Variants in LRP1B observed in about 807,000 individuals in gnomAD.
The protein encoded by LRP1B is LDL receptor related protein 1B, also known as low-density lipoprotein receptor-related protein 1B.
Under a neutral mutation model 556.6 loss-of-function variants are expected in LRP1B, and 217 were observed. The ratio of observed to expected loss-of-function variants is 0.39; its 90% confidence interval spans 0.35 to 0.44. LRP1B has a LOEUF of 0.44. Among genes scored for constraint, LRP1B ranks in the 20% least tolerant of loss-of-function variants. The probability of loss-of-function intolerance (pLI) is 1.00; values close to 1 mark genes in which losing one functional copy is unlikely to be tolerated. For missense variants in LRP1B, 5,053 were observed against 5,620.8 expected, an observed-to-expected ratio of 0.90 and a Z score of 3.23; for synonymous variants, 2,047 against 1,865.8, an observed-to-expected ratio of 1.10 and a Z score of -2.50.
chr2:140,252,066 A>AAAAAAAAAAAAAAAAAAAAAAAC (rs1681449748), intron 86 of LRP1B, among the ~76,000 whole-genome samples: 2 of 114,068 alleles, frequency 1.8e-5, no homozygotes. Context: ...AAGATGCAAA[A>AAAAAAAAAAAAAAAAAAAAAAAC]AAAAAAAAAA....
chr2:140,917,685 G>C lies in LRP1B; in HGVS notation c.3319+5280C>G, dbSNP rs144009251. ...AGATCAGTAGCTTCCAGGAGCTAAG[G>C]GGGAGGGAAGAATAAACAGGCAGGG... On this transcript the variant is annotated intron_variant, in intron 21 of 90. Coordinates refer to ENST00000389484, the MANE Select transcript of LRP1B (RefSeq NM_018557.3). Among the ~76,000 whole-genome samples, 728 of 152,214 alleles carry C rather than the reference G, an allele frequency of 4.8e-3. 2 individuals are homozygous for C. The highest frequency in any genetic ancestry group is 8.1e-3 in the Admixed American group (124 of 15,272).
chr2:142,079,239 C>T (rs896550851), intron 1 of LRP1B, among the ~76,000 whole-genome samples: 1 of 152,158 alleles, frequency 6.6e-6, no homozygotes, highest in African/African-American at 2.4e-5. Flanking sequence ...AATTTTTTCA[C>T]AGATATAAGC....
At chr2:140,287,298 G>A (rs962552563) in intron 84 of LRP1B, among the ~76,000 whole-genome samples, 2 of 151,788 alleles carry the variant, frequency 1.3e-5, no homozygotes, top group African/African-American at 4.8e-5. Context: ...AATGTAAGGA[G>A]CAATGAAATC....
chr2:141,827,183 T>C (rs1696961372), intron 1 of LRP1B, among the ~76,000 whole-genome samples: 1 of 152,258 alleles, frequency 6.6e-6, no homozygotes, highest in African/African-American at 2.4e-5. Context: ...AGAGCTGCCC[T>C]GAGGCAGCTA....
In LRP1B at chr2:142,048,146, G is replaced by A. The variant is rs140304957; in HGVS notation, c.82+82502C>T. Among the ~76,000 whole-genome samples, 379 of 152,044 alleles carry A rather than the reference G, an allele frequency of 2.5e-3. 2 individuals carry two copies. Among genetic ancestry groups the A allele is most frequent in the Non-Finnish European group, 4.1e-3 (277 of 67,964 alleles). On this transcript the variant is annotated intron_variant, in intron 1 of 90. Transcript: ENST00000389484. The stretch of plus-strand genomic sequence containing the variant: ...GATTTGCTGAAGCACCTCTGCATTC[G>A]TCTTACAAAAGTAGGCAGCATCTGC...
chr2:140,679,560 T>C (rs1310225324), intron 41 of LRP1B, among the ~76,000 whole-genome samples: 2 of 152,234 alleles, frequency 1.3e-5, no homozygotes, highest in African/African-American at 4.8e-5. Context: ...TGAGTACATT[T>C]AGTGTTTTGG....
intron 1 of LRP1B, among the ~76,000 whole-genome samples, chr2:142,042,303 T>C (rs1315883911): frequency 6.6e-6 from 1 of 151,452 alleles, no homozygotes; most frequent in Non-Finnish European, 1.5e-5. Context: ...GTCAGTGTGC[T>C]GTAAAAATGT....
At chr2:140,893,549 C>T (rs1693861343) in intron 23 of LRP1B, among the ~76,000 whole-genome samples, 1 of 152,180 alleles carries the variant, frequency 6.6e-6, no homozygotes, top group Non-Finnish European at 1.5e-5. Context: ...AGTAACCTTT[C>T]TGGGTCTTCA....
chr2:141,091,328 G>A (rs1700166190), intron 7 of LRP1B, among the ~76,000 whole-genome samples: 1 of 152,066 alleles, frequency 6.6e-6, no homozygotes, highest in African/African-American at 2.4e-5. Context: ...GATCAAGGGT[G>A]GTGTTAGGGA....
At chr2:142,079,834 G>A (rs1426565003) in intron 1 of LRP1B, among the ~76,000 whole-genome samples, 1 of 151,936 alleles carries the variant, frequency 6.6e-6, no homozygotes, top group Non-Finnish European at 1.5e-5. Context: ...TATGTTATAA[G>A]CAGATATCTT....
At chr2:140,958,198 C>T (rs967353062) in intron 18 of LRP1B, among the ~76,000 whole-genome samples, 1 of 151,302 alleles carries the variant, frequency 6.6e-6, no homozygotes, top group South Asian at 2.1e-4. Flanking sequence ...TAACAAACAA[C>T]AGGATTAGAT....
chr2:140,544,649 G>C (rs1680259040), intron 43 of LRP1B, among the ~76,000 whole-genome samples: 1 of 152,056 alleles, frequency 6.6e-6, no homozygotes, highest in African/African-American at 2.4e-5. Context: ...CAAAGGACAA[G>C]ATCTTGTTAT....
At chr2:141,815,415 C>T (rs1353986835) in intron 1 of LRP1B, among the ~76,000 whole-genome samples, 2 of 152,084 alleles carry the variant, frequency 1.3e-5, no homozygotes, top group African/African-American at 4.8e-5. Context: ...CCAATCAGCA[C>T]TCTGTAGCTA....
At chr2:141,738,811 A>G (rs1215504876) in intron 2 of LRP1B, among the ~76,000 whole-genome samples, 1 of 152,158 alleles carries the variant, frequency 6.6e-6, no homozygotes, top group Non-Finnish European at 1.5e-5. Flanking sequence ...CACCTCAGTT[A>G]TATTCAATCT....
intron 41 of LRP1B, among the ~76,000 whole-genome samples, chr2:140,694,789 A>G (rs1418230629): frequency 6.6e-6 from 1 of 152,108 alleles, no homozygotes; most frequent in Non-Finnish European, 1.5e-5. Flanking sequence ...TTATTAATGA[A>G]TTAGCATCTT....
chr2:141,013,764 T>C lies in LRP1B; in HGVS notation c.2191-19A>G, dbSNP rs1359397210. 6 of 1,462,808 alleles carry C rather than the reference T, an allele frequency of 4.1e-6. No homozygotes were observed. The highest frequency in any genetic ancestry group is 2.9e-5 in the South Asian group (2 of 67,808). 90.6% of individuals were successfully genotyped at this position (1,462,808 alleles called of 1,614,324 possible). The stretch of plus-strand genomic sequence containing the variant: ...AAACAATCTGTAAAATATAAACACA[T>C]TGTGAAAAATCAGAACTGACCTTTA... On this transcript the variant is annotated intron_variant, in intron 13 of 90. Transcript: ENST00000389484.
At chr2:141,995,426 G>A (rs1453671749) in intron 1 of LRP1B, among the ~76,000 whole-genome samples, 1 of 151,864 alleles carries the variant, frequency 6.6e-6, no homozygotes, top group Non-Finnish European at 1.5e-5. Context: ...TGACTCTTCC[G>A]CCTCCCTCTT....
intron 53 of LRP1B, among the ~76,000 whole-genome samples, chr2:140,505,191 C>G (rs891021679): frequency 2.6e-5 from 4 of 152,164 alleles, no homozygotes; most frequent in African/African-American, 9.7e-5. Context: ...ATTTAATTCT[C>G]TGAACAGTCC....
At chr2:141,953,568 G>T (rs1410104878) in intron 1 of LRP1B, among the ~76,000 whole-genome samples, 1 of 151,900 alleles carries the variant, frequency 6.6e-6, no homozygotes, top group Admixed American at 6.6e-5. Flanking sequence ...TACTTTGTGA[G>T]CACTCAGGAA....
Sources: allele counts gnomAD v4.1 joint callset (sites outside exome capture counted in the v4.1 genomes callset), GRCh38; gene constraint gnomAD v4.1.1; transcripts MANE v1.5; gene names NCBI Gene and HGNC (gene_info 2026-07-23, HGNC 2026-07-21).